The following ASTN2 variants were observed in gnomAD, a reference collection of about 807,000 sequenced individuals.
ASTN2 encodes the protein astrotactin-2.
ASTN2 carries 54 observed loss-of-function variants against 139.8 expected under a neutral mutation model. That is an observed-to-expected ratio of 0.39 (90% CI 0.31 to 0.48). The LOEUF is 0.48. Ranked by LOEUF, ASTN2 falls within the 20% of genes least tolerant of loss-of-function variation. The pLI, the probability that ASTN2 is intolerant of heterozygous loss-of-function variation, is 0.95. For missense variants in ASTN2, 1,565 were observed against 1,725.1 expected (o/e 0.91, Z 1.64); for synonymous variants, 756 against 719.5 (o/e 1.05, Z -0.81).
At chr9:116,507,393 C>G (rs750752536) in intron 19 of ASTN2, among the ~76,000 whole-genome samples, 2 of 152,118 alleles carry the variant, frequency 1.3e-5, no homozygotes, top group African/African-American at 2.4e-5. Context: ...TGAAGACACA[C>G]AGGAGGAGAA....
chr9:116,915,561 A>G (rs1484252168), intron 10 of ASTN2, among the ~76,000 whole-genome samples: 2 of 152,288 alleles, frequency 1.3e-5, no homozygotes, highest in East Asian at 1.9e-4. Context: ...TCAACTCCCC[A>G]TTATCTGGGA....
At chr9:117,007,125 A>G (rs897850876) in intron 7 of ASTN2, among the ~76,000 whole-genome samples, 18 of 152,166 alleles carry the variant, frequency 1.2e-4, no homozygotes, top group Non-Finnish European at 2.5e-4. Context: ...TCGGATATTG[A>G]CATGGTTTAT....
intron 16 of ASTN2, among the ~76,000 whole-genome samples, chr9:116,676,394 G>A (rs1391425919): frequency 2.0e-5 from 3 of 152,154 alleles, no homozygotes; most frequent in African/African-American, 7.2e-5. Flanking sequence ...GGAGAGAGGG[G>A]TATCACAGGA....
chr9:116,482,296 A>G (rs1286669993), intron 20 of ASTN2, among the ~76,000 whole-genome samples: 3 of 152,182 alleles, frequency 2.0e-5, no homozygotes, highest in Admixed American at 6.5e-5. Flanking sequence ...CCTGCACTCC[A>G]GCCTGGGTGA....
intron 12 of ASTN2, among the ~76,000 whole-genome samples, chr9:116,818,373 C>T (rs896806939): frequency 6.6e-6 from 1 of 152,218 alleles, no homozygotes; most frequent in Non-Finnish European, 1.5e-5. Flanking sequence ...CAAGTATCTG[C>T]TAATAGCTTT....
In ASTN2 at chr9:117,399,264, G is replaced by A. The variant is rs1469296551; in HGVS notation, c.442+15233C>T. Among the ~76,000 whole-genome samples the A allele has an allele frequency of 5.3e-5, 8 of 152,240 alleles. No homozygotes were observed. The East Asian group carries it at 1.3e-3, about 26-fold the overall frequency. Reference sequence around the variant, plus strand: ...CTGCACTGAATATACGAAATGCTTGGGAAATAACTGTTTTGGGGGGAGCCA... The same window carrying A: ...CTGCACTGAATATACGAAATGCTTGAGAAATAACTGTTTTGGGGGGAGCCA... On this transcript the variant is annotated intron_variant, in intron 1 of 22. Transcript: ENST00000313400.
At chr9:116,803,526 T>A (rs1208929745) in intron 13 of ASTN2, among the ~76,000 whole-genome samples, 363 of 16,208 alleles carry the variant, frequency 0.022, no homozygotes, top group East Asian at 0.12. Flanking sequence ...ATATATATTT[T>A]TTTTTTTTTT....
chr9:116,642,013 A>G (rs959141124), intron 17 of ASTN2, among the ~76,000 whole-genome samples: 1 of 151,646 alleles, frequency 6.6e-6, no homozygotes, highest in Non-Finnish European at 1.5e-5. Context: ...TAAACAAGGA[A>G]TTCCCTGAAG....
intron 13 of ASTN2, among the ~76,000 whole-genome samples, chr9:116,799,039 A>G (rs1259095896): frequency 1.4e-5 from 2 of 144,090 alleles, no homozygotes; most frequent in Non-Finnish European, 3.0e-5. Flanking sequence ...AGTATTCAGC[A>G]TAGGTCCAGA....
intron 19 of ASTN2, among the ~76,000 whole-genome samples, chr9:116,565,215 A>AACACACACAC (rs59415099): frequency 2.2e-5 from 3 of 134,266 alleles, no homozygotes; most frequent in African/African-American, 8.8e-5. Flanking sequence ...GCTTGCCACA[A>AACACACACAC]ACACACACAC....
At chr9:117,309,794 G>A (rs1212314246) in intron 1 of ASTN2, among the ~76,000 whole-genome samples, 2 of 152,180 alleles carry the variant, frequency 1.3e-5, no homozygotes, top group African/African-American at 4.8e-5. Flanking sequence ...AAGTGTGGGA[G>A]GCAAGCAGAT....
chr9:116,868,939 C>G (rs1317625193), intron 10 of ASTN2, among the ~76,000 whole-genome samples: 1 of 152,100 alleles, frequency 6.6e-6, no homozygotes, highest in African/African-American at 2.4e-5. Context: ...CATCTGTAAT[C>G]CCTGGGAAGC....
intron 1 of ASTN2, among the ~76,000 whole-genome samples, chr9:117,389,975 G>T (rs563696304): frequency 6.6e-6 from 1 of 152,080 alleles, no homozygotes; most frequent in Admixed American, 6.5e-5. Context: ...GAAAGCAAAA[G>T]AAATGCACCA....
intron 1 of ASTN2, among the ~76,000 whole-genome samples, chr9:117,384,931 G>T (rs901050448): frequency 1.3e-5 from 2 of 152,076 alleles, no homozygotes; most frequent in African/African-American, 4.8e-5. Context: ...AAGGGAGTTT[G>T]GGAAAACTGG....
At chr9:117,010,165 C>G (rs1295919493) in intron 6 of ASTN2, among the ~76,000 whole-genome samples, 1 of 151,972 alleles carries the variant, frequency 6.6e-6, no homozygotes, top group Non-Finnish European at 1.5e-5. Context: ...TCCTTGGCAG[C>G]TAAAGCAAAA....
chr9:117,340,800 G>A (rs1262416207), intron 1 of ASTN2, among the ~76,000 whole-genome samples: 6 of 152,294 alleles, frequency 3.9e-5, no homozygotes, highest in Middle Eastern at 3.4e-3. Flanking sequence ...GAGGAGGCTA[G>A]GACCCCGGTC....
At chr9:117,040,269 G>C (rs1438613878) in intron 5 of ASTN2, among the ~76,000 whole-genome samples, 1 of 152,128 alleles carries the variant, frequency 6.6e-6, no homozygotes, top group Admixed American at 6.5e-5. Flanking sequence ...GGTCATTCTT[G>C]ATAACAATTA....
At chr9:117,413,719 C>T (rs1036986111) in intron 1 of ASTN2, among the ~76,000 whole-genome samples, 37 of 152,188 alleles carry the variant, frequency 2.4e-4, no homozygotes, top group African/African-American at 8.2e-4. Flanking sequence ...CCTCTCCTCT[C>T]CTTTTTCTTG....
intron 10 of ASTN2, among the ~76,000 whole-genome samples, chr9:116,886,779 G>A (rs1264441288): frequency 6.6e-6 from 1 of 152,144 alleles, no homozygotes; most frequent in Non-Finnish European, 1.5e-5. Context: ...TACTGCTCTA[G>A]GTGCAGCAAA....
Sources: gnomAD v4.1 joint callset for allele counts (sites outside exome capture counted in the v4.1 genomes callset) on GRCh38, gnomAD v4.1.1 for gene constraint, MANE v1.5 for transcripts, NCBI Gene and HGNC (gene_info 2026-07-23, HGNC 2026-07-21) for gene names.